Variants in WWC1 observed in about 807,000 individuals in gnomAD.
The protein encoded by WWC1 is WW and C2 domain containing 1, also known as protein KIBRA.
Under a neutral mutation model 138.4 loss-of-function variants are expected in WWC1, and 55 were observed. The observed-to-expected ratio is 0.40, with a 90% CI of 0.32 to 0.50. The LOEUF is 0.50. WWC1 is among the 20% of genes least tolerant of loss of function. The probability of loss-of-function intolerance (pLI) is 0.72; values close to 1 mark genes in which losing one functional copy is unlikely to be tolerated. For synonymous variants in WWC1, 524 were observed against 564.9 expected (o/e 0.93, Z 1.03); for missense variants, 1,226 against 1,420.4 (o/e 0.86, Z 2.20).
At chr5:168,353,622 T>C (rs563959412) in intron 1 of WWC1, among the ~76,000 whole-genome samples, 125 of 152,322 alleles carry the variant, frequency 8.2e-4, no homozygotes, top group Non-Finnish European at 1.4e-3. Flanking sequence ...ACCTGGACCA[T>C]GATCTAGAGG....
intron 1 of WWC1, among the ~76,000 whole-genome samples, chr5:168,309,155 C>T (rs1349412393): frequency 6.7e-6 from 1 of 150,220 alleles, no homozygotes; most frequent in African/African-American, 2.5e-5. Context: ...GGGTCATCCT[C>T]ATCCAGAGGA....
chr5:168,322,406 A>C (rs1772189362), intron 1 of WWC1, among the ~76,000 whole-genome samples: 1 of 152,232 alleles, frequency 6.6e-6, no homozygotes. Context: ...GCCATAGATA[A>C]TATATCGACA....
At chr5:168,375,679 A>G (rs149403640) in intron 2 of WWC1, among the ~76,000 whole-genome samples, 4,084 of 152,064 alleles carry the variant, frequency 0.027, 187 homozygotes, top group African/African-American at 0.094. Flanking sequence ...GGTTCAAGCA[A>G]TTCTCCTGCC....
intron 21 of WWC1, 63 bp downstream of exon 21, chr5:168,465,025 C>A: frequency 6.4e-7 from 1 of 1,569,378 alleles, no homozygotes. Flanking sequence ...GGGGGCACTG[C>A]CCCGGGGAAG....
intron 1 of WWC1, among the ~76,000 whole-genome samples, chr5:168,321,757 A>G (rs1218132442): frequency 6.6e-6 from 1 of 152,118 alleles, no homozygotes; most frequent in East Asian, 1.9e-4. Context: ...AGCTGGTCTC[A>G]AACTCCCGAC....
intron 3 of WWC1, among the ~76,000 whole-genome samples, chr5:168,397,206 G>A (rs894553794): frequency 1.9e-4 from 28 of 151,202 alleles, no homozygotes; most frequent in African/African-American, 4.1e-4. Flanking sequence ...GTGATGGCGC[G>A]ATTTCGGCTC....
chr5:168,441,837 G>C lies in WWC1; in HGVS notation c.2433+3G>C. Reference sequence around the variant, plus strand: ...CTGCCTCAGGGCCTGCCAGCACGGTGAGCTGGGACCAGGTGTGCCACCTTC... The same window carrying C: ...CTGCCTCAGGGCCTGCCAGCACGGTCAGCTGGGACCAGGTGTGCCACCTTC... On this transcript the variant is annotated splice_donor_region_variant and intron_variant, in intron 16 of 22. Transcript: ENST00000265293. 6.2e-7 allele frequency: 1 copy of C among 1,613,094 alleles called. No homozygotes were observed. Among genetic ancestry groups the C allele is most frequent in the Non-Finnish European group, 8.5e-7 (1 of 1,179,606 alleles).
intron 9 of WWC1, among the ~76,000 whole-genome samples, chr5:168,419,235 A>G (rs1403904271): frequency 6.6e-6 from 1 of 152,134 alleles, no homozygotes; most frequent in Non-Finnish European, 1.5e-5. Context: ...CCAGGGATCA[A>G]CTAGTCAGTC....
At chr5:168,365,668 G>T (rs1034335086) in intron 1 of WWC1, among the ~76,000 whole-genome samples, 1 of 152,170 alleles carries the variant, frequency 6.6e-6, no homozygotes, top group Admixed American at 6.5e-5. Flanking sequence ...CCCCGGGGTG[G>T]CTCTCCCCGA....
chr5:168,417,635 A>G (rs1398372925), intron 9 of WWC1, among the ~76,000 whole-genome samples: 1 of 152,144 alleles, frequency 6.6e-6, no homozygotes, highest in Non-Finnish European at 1.5e-5. Flanking sequence ...CTTCAACCCC[A>G]TCTTTCAAAG....
intron 3 of WWC1, among the ~76,000 whole-genome samples, chr5:168,395,094 C>G (rs1224714648): frequency 6.6e-6 from 1 of 152,226 alleles, no homozygotes; most frequent in East Asian, 1.9e-4. Flanking sequence ...GCCCAAGGAA[C>G]ACGATGCATG....
intron 2 of WWC1, 66 bp from the exon 3 acceptor site, chr5:168,385,145 C>T: frequency 6.4e-7 from 1 of 1,569,190 alleles, no homozygotes; most frequent in Non-Finnish European, 8.7e-7. Context: ...CTAGTGGATA[C>T]CACAGGCCAC....
intron 9 of WWC1, 54 bp from the exon 10 acceptor site, chr5:168,421,954 T>A: frequency 3.4e-6 from 5 of 1,491,636 alleles, no homozygotes; most frequent in Non-Finnish European, 4.7e-6. Flanking sequence ...TGGGTAAGAG[T>A]GCATGCCTGT....
rs114197922 is a variant in WWC1 at position 168,384,336 on chromosome 5, C to T, written c.230-875C>T. Among the ~76,000 whole-genome samples, 810 of 152,282 alleles carry T rather than the reference C, an allele frequency of 5.3e-3. 5 individuals are homozygous for T. The highest frequency in any genetic ancestry group is 0.018 in the African/African-American group (754 of 41,554). On this transcript the variant is annotated intron_variant, in intron 2 of 22. Coordinates refer to ENST00000265293, the MANE Select transcript of WWC1 (RefSeq NM_015238.3). ...TCATAGAATCAATGACATGTGCTTG[C>T]TACTTCATAATATATTATTATTATG... is the stretch of plus-strand genomic sequence containing the variant.
chr5:168,324,260 C>G (rs1772352712), intron 1 of WWC1, among the ~76,000 whole-genome samples: 1 of 152,042 alleles, frequency 6.6e-6, no homozygotes, highest in Non-Finnish European at 1.5e-5. Context: ...ATGGGGAAAC[C>G]CTGTCTCTAC....
At chr5:168,427,275 C>A (rs1430109412) in intron 11 of WWC1, among the ~76,000 whole-genome samples, 3 of 152,164 alleles carry the variant, frequency 2.0e-5, no homozygotes, top group Admixed American at 2.0e-4. Context: ...TTTTGCAGAG[C>A]ACTTTGCCTG....
intron 11 of WWC1, 147 bp downstream of exon 11, chr5:168,424,215 G>T: frequency 9.3e-7 from 1 of 1,071,958 alleles, no homozygotes; most frequent in South Asian, 1.8e-5. Context: ...TTTATTCAGT[G>T]GATGTTTATT....
At chr5:168,414,637 G>A (rs778397826) in intron 9 of WWC1, 47 bp downstream of exon 9, 8 of 1,510,880 alleles carry the variant, frequency 5.3e-6, no homozygotes, top group South Asian at 1.3e-5. Flanking sequence ...CTCACTGGCA[G>A]TCTGTCCTCA....
chr5:168,359,033 G>GGGTGTGT (rs1491404850), intron 1 of WWC1, among the ~76,000 whole-genome samples: 26 of 148,304 alleles, frequency 1.8e-4, no homozygotes, highest in African/African-American at 6.3e-4. Flanking sequence ...GTGGTGGTGG[G>GGGTGTGT]GTGTGTGTGT....
Sources: gnomAD v4.1 joint callset for allele counts (sites outside exome capture counted in the v4.1 genomes callset) on GRCh38, gnomAD v4.1.1 for gene constraint, MANE v1.5 for transcripts, NCBI Gene and HGNC (gene_info 2026-07-23, HGNC 2026-07-21) for gene names.